PCDHA5: variants seen among roughly 807,000 people sequenced by gnomAD.
PCDHA5 encodes protocadherin alpha 5, also known as protocadherin alpha-5.
A neutral mutation model predicts 61.6 loss-of-function variants in PCDHA5; 43 were observed. The ratio of observed to expected loss-of-function variants is 0.70; its 90% CI spans 0.55 to 0.90. PCDHA5 has a LOEUF of 0.90. Among genes scored for constraint, PCDHA5 ranks in the 40% least tolerant of loss-of-function variants. The pLI is 0.00. For missense variants in PCDHA5, 1,298 were observed against 1,222.7 expected (o/e 1.06, Z -0.92); for synonymous variants, 627 against 543.9 (o/e 1.15, Z -2.13).
rs782733393 is a variant in PCDHA5 at position 140,875,889 on chromosome 5, G to A, written c.2352+51762G>A. The A allele has an allele frequency of 6.2e-6, 10 of 1,614,054 alleles. No homozygotes were observed. The South Asian group carries it at 8.8e-5, about 14-fold the overall frequency. On this transcript the variant is annotated intron_variant, in intron 1 of 3. Coordinates refer to ENST00000529859, the MANE Select transcript of PCDHA5 (RefSeq NM_018908.3). ...CGGTGTTCAGAGAAAGGGAACAAAA[G>A]GTACCTGTTTCTGAATCTGCGCCTC...
Position 140,821,808 on chromosome 5 carries a change from C to T in PCDHA5, c.33C>T (p.Ser11=). ...ATTCCCGGAGAGGAAGTCTGGGATC[C>T]CGGCTCCTGCTGCTCTGGCTTCTCC... is the stretch of plus-strand genomic sequence containing the variant. MVYSRRGSLG[S]RLLLLWLLLA... The change falls in exon 1 of 4, where the codon TCC becomes TCT. Residue 11 remains serine (S), a synonymous_variant. Coordinates refer to ENST00000529859, the MANE Select transcript of PCDHA5 (RefSeq NM_018908.3). The T allele has an allele frequency of 6.2e-7, 1 of 1,613,554 alleles. No homozygotes were observed. The highest frequency in any genetic ancestry group is 8.5e-7 in the Non-Finnish European group (1 of 1,179,728).
chr5:140,854,357 G>A (rs251358), intron 1 of PCDHA5: 79,269 of 162,662 alleles, frequency 0.49, 22,300 homozygotes, highest in South Asian at 0.62. Context: ...TAAAACAAAC[G>A]TTGATATTTT....
At position 140,853,802 on chromosome 5, in the gene PCDHA5, G is replaced by T. The variant is rs10054866; in HGVS notation, c.2352+29675G>T. The T allele has an allele frequency of 3.5e-3, 3,416 of 986,938 alleles. 247 individuals are homozygous for T. The African/African-American group carries it at 0.056, about 16-fold the overall frequency. 61.1% of individuals were successfully genotyped at this position (986,938 alleles called of 1,614,324 possible). Reference sequence around the variant, plus strand: ...AGTAAGAGCAAATTTTCATTTTAAAGCACACCTGAGATGATTCTCATACAA... The same window carrying T: ...AGTAAGAGCAAATTTTCATTTTAAATCACACCTGAGATGATTCTCATACAA... On this transcript the variant is annotated intron_variant, in intron 1 of 3. Coordinates refer to ENST00000529859, the MANE Select transcript of PCDHA5 (RefSeq NM_018908.3).
Position 140,823,381 on chromosome 5 carries a change from G to A in PCDHA5, c.1606G>A (p.Ala536Thr), listed in dbSNP as rs2150125254. ...EVELLQFQVSARDAGVPPLGS... is the reference protein window; with the variant it reads ...EVELLQFQVSTRDAGVPPLGS... ...GGAGCTGCTGCAGTTCCAGGTGAGCGCGCGCGACGCGGGCGTGCCGCCTCT... is the reference window on the plus strand; with the variant it reads ...GGAGCTGCTGCAGTTCCAGGTGAGCACGCGCGACGCGGGCGTGCCGCCTCT... Residue 536 changes from alanine to threonine, a missense_variant, in exon 1 of 4, where the codon GCG becomes ACG. Coordinates refer to ENST00000529859, the MANE Select transcript of PCDHA5 (RefSeq NM_018908.3). 1 of 1,612,786 alleles carries A rather than the reference G, an allele frequency of 6.2e-7. No homozygotes were observed. Among genetic ancestry groups the A allele is most frequent in the Non-Finnish European group, 8.5e-7 (1 of 1,179,802 alleles).
At chr5:140,967,489 A>G in intron 1 of PCDHA5, 4 of 1,613,456 alleles carry the variant, frequency 2.5e-6, no homozygotes, top group Non-Finnish European at 3.4e-6. Flanking sequence ...CGGGTACGGC[A>G]CAGATCTCTG....
At chr5:140,960,064 T>G (rs1352718360) in intron 1 of PCDHA5, among the ~76,000 whole-genome samples, 1 of 152,208 alleles carries the variant, frequency 6.6e-6, no homozygotes, top group Admixed American at 6.5e-5. Flanking sequence ...TACAGAAGAT[T>G]CAATTGAAGT....
intron 3 of PCDHA5, among the ~76,000 whole-genome samples, chr5:141,000,102 C>T (rs537991787): frequency 8.5e-5 from 13 of 152,172 alleles, no homozygotes; most frequent in East Asian, 5.8e-4. Context: ...AGCTCAACTC[C>T]GTCTCTTCCC....
intron 1 of PCDHA5, among the ~76,000 whole-genome samples, chr5:140,952,192 G>A (rs572613863): frequency 1.1e-4 from 16 of 152,198 alleles, no homozygotes; most frequent in African/African-American, 3.9e-4. Flanking sequence ...TCATGGGTTG[G>A]TGTTGAATGC....
At chr5:140,885,349 AG>A (rs2060568168) in intron 1 of PCDHA5, among the ~76,000 whole-genome samples, 1 of 152,206 alleles carries the variant, frequency 6.6e-6, no homozygotes, top group African/African-American at 2.4e-5. Context: ...GATTTCCAAA[AG>A]GTACTGGTGA....
At chr5:140,870,590 G>C in intron 1 of PCDHA5, 1 of 1,613,564 alleles carries the variant, frequency 6.2e-7, no homozygotes, top group Non-Finnish European at 8.5e-7. Context: ...CTGGTGGAGC[G>C]GCGGTTGGGC....
At chr5:140,969,267 G>A in intron 1 of PCDHA5, 5 of 1,614,208 alleles carry the variant, frequency 3.1e-6, no homozygotes, top group South Asian at 2.2e-5. Flanking sequence ...AATCTCACAG[G>A]CCAAAGTGGT....
intron 1 of PCDHA5, among the ~76,000 whole-genome samples, chr5:140,962,255 A>G (rs991096495): frequency 2.0e-5 from 3 of 152,204 alleles, no homozygotes; most frequent in African/African-American, 7.2e-5. Flanking sequence ...TCAATGAAAA[A>G]TAATTTTATA....
intron 1 of PCDHA5, among the ~76,000 whole-genome samples, chr5:140,976,461 G>A (rs935204153): frequency 1.3e-5 from 2 of 152,120 alleles, no homozygotes; most frequent in African/African-American, 4.8e-5. Flanking sequence ...TGGGGAAGAA[G>A]AATTGCTTGA....
intron 1 of PCDHA5, chr5:140,857,366 G>T: frequency 6.3e-7 from 1 of 1,598,350 alleles, no homozygotes. Flanking sequence ...CACGGCCAGC[G>T]TGTCTGTGGA....
chr5:140,828,109 G>T, intron 1 of PCDHA5: 1 of 1,611,506 alleles, frequency 6.2e-7, no homozygotes, highest in East Asian at 2.2e-5. Flanking sequence ...TTACCCCGGA[G>T]GATAGATTGG....
intron 1 of PCDHA5, chr5:140,882,580 C>T (rs371338305): frequency 1.2e-6 from 2 of 1,614,126 alleles, no homozygotes; most frequent in African/African-American, 2.7e-5. Context: ...AGTGCAGCAT[C>T]CACCTGGAGG....
At chr5:140,974,721 G>T (rs1033117636) in intron 1 of PCDHA5, among the ~76,000 whole-genome samples, 1 of 152,050 alleles carries the variant, frequency 6.6e-6, no homozygotes, top group Non-Finnish European at 1.5e-5. Context: ...AGCTGCTCTC[G>T]AACTCCTGTC....
chr5:140,828,392 G>A, intron 1 of PCDHA5: 1 of 1,614,286 alleles, frequency 6.2e-7, no homozygotes, highest in Non-Finnish European at 8.5e-7. Context: ...GCGGAGCGCG[G>A]AGTGCAGCAT....
chr5:140,951,507 C>T (rs2094591964), intron 1 of PCDHA5, among the ~76,000 whole-genome samples: 1 of 151,952 alleles, frequency 6.6e-6, no homozygotes, highest in Admixed American at 6.6e-5. Context: ...AAAAGGAAAG[C>T]GGCTCATCTT....
Sources: allele counts gnomAD v4.1 joint callset (sites outside exome capture counted in the v4.1 genomes callset), GRCh38; gene constraint gnomAD v4.1.1; transcripts MANE v1.5; gene names NCBI Gene and HGNC (gene_info 2026-07-23, HGNC 2026-07-21).